SLC28A3: variants seen among roughly 807,000 people sequenced by gnomAD.
The protein encoded by SLC28A3 is solute carrier family 28 member 3.
A neutral mutation model predicts 84.2 loss-of-function variants in SLC28A3; 68 were observed. That is an observed-to-expected ratio of 0.81 (90% CI 0.66 to 0.99). The LOEUF (loss-of-function observed/expected upper bound fraction) is 0.99. Among genes scored for constraint, SLC28A3 ranks in the 50% least tolerant of loss-of-function variants. The pLI is 0.00. For synonymous variants in SLC28A3, 267 were observed against 303.6 expected (o/e 0.88, Z 1.25); for missense variants, 712 against 841.5 (o/e 0.85, Z 1.90).
intron 5 of SLC28A3, among the ~76,000 whole-genome samples, chr9:84,300,503 A>G (rs1453852773): frequency 1.3e-5 from 2 of 152,254 alleles, no homozygotes; most frequent in African/African-American, 2.4e-5. Context: ...GAGCCCAGCA[A>G]GCATGACAAA....
intron 1 of SLC28A3, among the ~76,000 whole-genome samples, 192 bp from the exon 2 acceptor site, chr9:84,313,646 G>A (rs963517368): frequency 6.6e-6 from 1 of 152,044 alleles, no homozygotes; most frequent in African/African-American, 2.4e-5. Flanking sequence ...TGGGCACAGT[G>A]GTTCGTACCT....
At chr9:84,318,621 C>A (rs1020832038) in intron 1 of SLC28A3, among the ~76,000 whole-genome samples, 2 of 152,144 alleles carry the variant, frequency 1.3e-5, no homozygotes, top group African/African-American at 4.8e-5. Flanking sequence ...GTAATCCCAG[C>A]ACTTTGGAAG....
Position 84,302,262 on chromosome 9 carries a change from T to C in SLC28A3, c.462A>G (p.Arg154=). Residue 154 remains arginine (R), a synonymous_variant, in exon 5 of 18, where the codon CGA becomes CGG. Transcript: ENST00000376238. The stretch of plus-strand genomic sequence containing the variant: ...TGCCAGGAGACAGCATCTCATCAAT[T>C]CGATGTTCGTATTTGGCCATCAGGT... ...WDHLMAKYEH[R]IDEMLSPGRR... The C allele has an allele frequency of 6.2e-7, 1 of 1,614,138 alleles. No individual in the cohort carries two copies. Among genetic ancestry groups the C allele is most frequent in the Non-Finnish European group, 8.5e-7 (1 of 1,180,010 alleles).
chr9:84,360,846 G>T, the SLC28A3 span, among the ~76,000 whole-genome samples: 4 of 152,080 alleles, frequency 2.6e-5, no homozygotes, highest in Non-Finnish European at 5.9e-5. Flanking sequence ...AGCCTAGGAG[G>T]TCAGGGCTGC....
the SLC28A3 span, among the ~76,000 whole-genome samples, chr9:84,356,432 G>T: frequency 6.6e-6 from 1 of 152,174 alleles, no homozygotes; most frequent in Non-Finnish European, 1.5e-5. Context: ...GGAAGGTATT[G>T]TTCAGTGTGA....
intron 1 of SLC28A3, among the ~76,000 whole-genome samples, chr9:84,333,261 T>C (rs942483240): frequency 2.0e-5 from 3 of 152,222 alleles, no homozygotes; most frequent in Non-Finnish European, 4.4e-5. Context: ...AAGTTATCAA[T>C]TACATTGCCA....
intron 3 of SLC28A3, among the ~76,000 whole-genome samples, chr9:84,308,797 G>A (rs947096536): frequency 1.3e-5 from 2 of 152,168 alleles, no homozygotes; most frequent in East Asian, 3.8e-4. Flanking sequence ...TCTCCTAGTT[G>A]ACTTGGGGAA....
intron 4 of SLC28A3, among the ~76,000 whole-genome samples, chr9:84,303,468 G>A (rs1319882336): frequency 6.6e-6 from 1 of 152,172 alleles, no homozygotes; most frequent in African/African-American, 2.4e-5. Flanking sequence ...TTACAGGCAT[G>A]TGCCACCACG....
chr9:84,349,742 A>G, the SLC28A3 span, among the ~76,000 whole-genome samples: 2 of 152,304 alleles, frequency 1.3e-5, no homozygotes, highest in Non-Finnish European at 2.9e-5. Context: ...GAGGTTCACG[A>G]AGGGAGCAAA....
chr9:84,357,814 C>A, the SLC28A3 span, among the ~76,000 whole-genome samples: 1 of 152,142 alleles, frequency 6.6e-6, no homozygotes, highest in Non-Finnish European at 1.5e-5. Flanking sequence ...TGAGATAACC[C>A]AATCCAGGGC....
chr9:84,364,120 C>CTTTTTTTT, the SLC28A3 span, among the ~76,000 whole-genome samples: 3 of 85,294 alleles, frequency 3.5e-5, no homozygotes, highest in African/African-American at 5.3e-5. Flanking sequence ...CAGTTACACT[C>CTTTTTTTT]TTTTTTTTTT....
rs747607766 is a variant in SLC28A3, at chr9:84,280,878, C to A, written c.1652G>T (p.Arg551Leu). The change falls in exon 15 of 18, where the codon CGT becomes CTT. Residue 551 changes from arginine (R) to leucine (L), a missense_variant. Transcript: ENST00000376238. ...VNGVQQYISI[R>L]SEIIATYALC... ...AGCGTAAGTGGCGATTATCTCAGAACGAATCTGTAAGCAAGCATAAACACA... is the reference window on the plus strand; with the variant it reads ...AGCGTAAGTGGCGATTATCTCAGAAAGAATCTGTAAGCAAGCATAAACACA... 1.9e-6 allele frequency: 3 copies of A among 1,613,872 alleles called. No homozygotes were observed. Among genetic ancestry groups the A allele is most frequent in the African/African-American group, 1.3e-5 (1 of 74,884 alleles).
At chr9:84,308,865 C>T (rs1232474057) in intron 3 of SLC28A3, among the ~76,000 whole-genome samples, 1 of 152,182 alleles carries the variant, frequency 6.6e-6, no homozygotes, top group East Asian at 1.9e-4. Flanking sequence ...AATCTTGCGT[C>T]TCCTACCTTA....
In SLC28A3 at chr9:84,340,672, T is replaced by A; in HGVS notation, c.-39A>T. The A allele has an allele frequency of 1.2e-6, 2 of 1,612,968 alleles. No homozygotes were observed. Among genetic ancestry groups the A allele is most frequent in the Non-Finnish European group, 1.7e-6 (2 of 1,179,334 alleles). On this transcript the variant is annotated 5_prime_UTR_variant, in exon 1 of 18. The change creates a new upstream start codon in the 5' untranslated region. Coordinates refer to ENST00000376238, the MANE Select transcript of SLC28A3 (RefSeq NM_001199633.2). ...CTGGCTGGCTCTGGTCTGGAGGTCC[T>A]TTGTACCTGGGAAAAAGCACCAGTC...
chr9:84,280,767 A>C (rs1201917307), intron 15 of SLC28A3, 34 bp downstream of exon 15: 18 of 1,605,868 alleles, frequency 1.1e-5, no homozygotes, highest in Admixed American at 1.7e-5. Context: ...TCTATGGCAC[A>C]TCTGTGTTGT....
chr9:84,299,829 G>A (rs1334991822), intron 5 of SLC28A3, 104 bp from the exon 6 acceptor site: 3 of 1,324,114 alleles, frequency 2.3e-6, no homozygotes, highest in Non-Finnish European at 3.0e-6. Context: ...GTCTTGCTCT[G>A]TTGCCCAGGC....
At chr9:84,313,090 C>T (rs1490021040) in intron 2 of SLC28A3, among the ~76,000 whole-genome samples, 1 of 152,178 alleles carries the variant, frequency 6.6e-6, no homozygotes, top group African/African-American at 2.4e-5. Flanking sequence ...AAGCCAATGC[C>T]TTTTTCCTTG....
the SLC28A3 span, among the ~76,000 whole-genome samples, chr9:84,361,255 C>A: frequency 7.3e-3 from 1,114 of 152,170 alleles, 15 homozygotes; most frequent in African/African-American, 0.025. Context: ...TGAGGCAGGA[C>A]AATTGCTTGA....
the SLC28A3 span, among the ~76,000 whole-genome samples, chr9:84,354,357 T>G: frequency 2.6e-5 from 4 of 152,250 alleles, no homozygotes; most frequent in Admixed American, 6.5e-5. Flanking sequence ...AAAGCCTGGC[T>G]GGTAAATACC....
Sources: gnomAD v4.1 joint callset for allele counts (sites outside exome capture counted in the v4.1 genomes callset) on GRCh38, gnomAD v4.1.1 for gene constraint, MANE v1.5 for transcripts, NCBI Gene and HGNC (gene_info 2026-07-23, HGNC 2026-07-21) for gene names.